Variants in DNAH14 observed in about 807,000 individuals in gnomAD.
The protein encoded by DNAH14 is axonemal beta dynein heavy chain 14.
DNAH14 carries 478 observed loss-of-function variants against 520.9 expected under a neutral mutation model. The ratio of observed to expected loss-of-function variants is 0.92; its 90% confidence interval spans 0.85 to 0.99. DNAH14 has a LOEUF of 0.99. Ranked by LOEUF, DNAH14 falls within the 50% of genes least tolerant of loss-of-function variation. The pLI is 0.00. For missense variants in DNAH14, 4,831 were observed against 5,234.5 expected (o/e 0.92, Z 2.38); for synonymous variants, 1,581 against 1,757.2 (o/e 0.90, Z 2.51).
At chr1:224,988,346 G>A (rs1021954782) in intron 8 of DNAH14, among the ~76,000 whole-genome samples, 60 of 152,114 alleles carry the variant, frequency 3.9e-4, no homozygotes, top group African/African-American at 1.3e-3. Flanking sequence ...ATTGTGAATA[G>A]TGCCGCAGTG....
chr1:225,264,830 T>C (rs765197230), intron 47 of DNAH14, among the ~76,000 whole-genome samples: 4 of 152,186 alleles, frequency 2.6e-5, no homozygotes, highest in Admixed American at 2.6e-4. Flanking sequence ...TTTAAGTTGC[T>C]GTAGCTATAG....
chr1:225,309,566 C>T (rs2094316173), intron 60 of DNAH14, among the ~76,000 whole-genome samples: 1 of 152,136 alleles, frequency 6.6e-6, no homozygotes, highest in Non-Finnish European at 1.5e-5. Flanking sequence ...GCAATGCCAA[C>T]CACCTGAAGG....
In DNAH14 at chr1:225,338,169, A is replaced by G; in HGVS notation, c.10420A>G (p.Asn3474Asp). Residue 3474 changes from asparagine to aspartate, a missense_variant, in exon 68 of 86, where the codon AAT becomes GAT. Coordinates refer to ENST00000682510, the MANE Select transcript of DNAH14 (RefSeq NM_001367479.1). ...IRVGDAEFEY[N>D]SNFRLYLSTE... ...GGTTGGTGATGCTGAGTTCGAATACAATTCAAATTTTAGGTAATGTGCCAC... is the reference window on the plus strand; with the variant it reads ...GGTTGGTGATGCTGAGTTCGAATACGATTCAAATTTTAGGTAATGTGCCAC... 6.4e-7 allele frequency: 1 copy of G among 1,551,874 alleles called. No homozygotes were observed. The highest frequency in any genetic ancestry group is 8.7e-7 in the Non-Finnish European group (1 of 1,146,974).
intron 1 of DNAH14, among the ~76,000 whole-genome samples, chr1:224,947,231 G>A (rs2059904010): frequency 6.6e-6 from 1 of 151,902 alleles, no homozygotes; most frequent in African/African-American, 2.4e-5. Flanking sequence ...TCTACATTTG[G>A]TACTGTTTCT....
In DNAH14 at chr1:225,085,733, G is replaced by C. The variant is rs1433102300; in HGVS notation, c.3517G>C (p.Glu1173Gln). The C allele has an allele frequency of 3.9e-6, 6 of 1,551,472 alleles. No homozygotes were observed. The highest frequency in any genetic ancestry group is 3.3e-4 in the Middle Eastern group (2 of 5,990). ...SIDDISAQLE[E>Q]SQVILATIKG... The stretch of plus-strand genomic sequence containing the variant: ...AGATGACATATCAGCTCAGTTAGAA[G>C]AGTCTCAAGTCATACTTGCAACAAT... The change falls in exon 21 of 86, where the codon GAG becomes CAG. Residue 1173 changes from glutamate (E) to glutamine (Q), a missense_variant. Physicochemically the swap from Glu to Gln is conservative, Grantham distance 29. Coordinates refer to ENST00000682510, the MANE Select transcript of DNAH14 (RefSeq NM_001367479.1).
chr1:225,229,008 T>A (rs973205661), intron 41 of DNAH14, among the ~76,000 whole-genome samples: 13 of 152,208 alleles, frequency 8.5e-5, no homozygotes, highest in Non-Finnish European at 8.8e-5. Context: ...CTTTGATCTT[T>A]CGTGTGCAGG....
intron 42 of DNAH14, among the ~76,000 whole-genome samples, chr1:225,240,059 G>T (rs2091878004): frequency 1.3e-5 from 2 of 152,124 alleles, no homozygotes; most frequent in South Asian, 4.1e-4. Flanking sequence ...CTTTAGCCAG[G>T]TTAAACTAAA....
chr1:225,079,060 A>G, intron 17 of DNAH14, 147 bp from the exon 18 acceptor site: 2 of 736,450 alleles, frequency 2.7e-6, no homozygotes, highest in South Asian at 2.0e-5. Context: ...GTAGTTCTTT[A>G]TAGCAGTGTG....
intron 8 of DNAH14, among the ~76,000 whole-genome samples, chr1:224,999,771 A>G (rs2063629831): frequency 6.6e-6 from 1 of 152,028 alleles, no homozygotes; most frequent in South Asian, 2.1e-4. Flanking sequence ...AAGATTATAT[A>G]TATATTACAG....
At chr1:225,242,423 T>C (rs1400716599) in intron 43 of DNAH14, among the ~76,000 whole-genome samples, 2 of 152,192 alleles carry the variant, frequency 1.3e-5, no homozygotes, top group African/African-American at 4.8e-5. Context: ...TTCTTTACTT[T>C]TTGAACTTTT....
intron 42 of DNAH14, among the ~76,000 whole-genome samples, chr1:225,234,894 T>C (rs1010902506): frequency 1.6e-4 from 25 of 152,312 alleles, no homozygotes; most frequent in Non-Finnish European, 2.4e-4. Flanking sequence ...CACATTGATT[T>C]TGTATTCTCA....
rs1270416374 is a variant in DNAH14, at chr1:225,383,208, T to A, written c.13077+1629T>A. On this transcript the variant is annotated intron_variant, in intron 81 of 85. Coordinates refer to ENST00000682510, the MANE Select transcript of DNAH14 (RefSeq NM_001367479.1). ...GTATGGCATATGAGTTATATCTCAA[T>A]GAAGTTATTTTTAAAACCTAGGTAG... 2.0e-5 allele frequency among the ~76,000 whole-genome samples: 3 copies of A among 152,212 alleles called. No homozygotes were observed. The East Asian group carries it at 5.8e-4, about 29-fold the overall frequency.
intron 8 of DNAH14, among the ~76,000 whole-genome samples, chr1:224,981,855 G>A (rs912531376): frequency 6.6e-6 from 1 of 152,020 alleles, no homozygotes; most frequent in African/African-American, 2.4e-5. Flanking sequence ...CAGGATTGTG[G>A]CAGAAATATT....
intron 19 of DNAH14, among the ~76,000 whole-genome samples, chr1:225,082,171 G>GGGGTGTGTGTGTGT (rs1553434190): frequency 2.1e-5 from 3 of 145,322 alleles, no homozygotes; most frequent in East Asian, 2.0e-4. Context: ...GAATGTTTGT[G>GGGGTGTGTGTGTGT]GTGTGTGTGT....
At chr1:225,224,313 A>G (rs934780043) in intron 41 of DNAH14, among the ~76,000 whole-genome samples, 1 of 151,460 alleles carries the variant, frequency 6.6e-6, no homozygotes, top group African/African-American at 2.4e-5. Context: ...CGCAATATTC[A>G]GTTCAATTGT....
rs1227808261 is a variant in DNAH14, at chr1:225,232,150, T to C, written c.6518+999T>C. Among the ~76,000 whole-genome samples the C allele has an allele frequency of 6.6e-6, 1 of 152,144 alleles. No homozygotes were observed. Among genetic ancestry groups the C allele is most frequent in the African/African-American group, 2.4e-5 (1 of 41,444 alleles). The stretch of plus-strand genomic sequence containing the variant: ...AAATAAATGAAATCATCCTGTATGA[T>C]CTTCTGCCACTTGCATCTTTTGTTC... On this transcript the variant is annotated intron_variant, in intron 42 of 85. Coordinates refer to ENST00000682510, the MANE Select transcript of DNAH14 (RefSeq NM_001367479.1). The surrounding 1 kb of genome is among the most constrained non-coding windows in gnomAD (Gnocchi z 4.2).
chr1:225,085,104 G>A lies in DNAH14; in HGVS notation c.3328-440G>A, dbSNP rs79061527. Among the ~76,000 whole-genome samples the A allele has an allele frequency of 5.0e-3, 765 of 152,192 alleles. 6 individuals are homozygous for A. Among genetic ancestry groups the A allele is most frequent in the African/African-American group, 0.017 (722 of 41,526 alleles). ...GTTGCATTACTAAAACATAGGGATT[G>A]GGCATTATTCTTTAACACCATCGAG... On this transcript the variant is annotated intron_variant, in intron 20 of 85. Transcript: ENST00000682510.
At chr1:225,394,391 T>C (rs2150884998) in intron 84 of DNAH14, among the ~76,000 whole-genome samples, 1 of 152,356 alleles carries the variant, frequency 6.6e-6, no homozygotes, top group East Asian at 1.9e-4. Flanking sequence ...AATTTTTTTG[T>C]TTTAACAAAG....
At chr1:225,163,985 A>G (rs1178019656) in intron 35 of DNAH14, among the ~76,000 whole-genome samples, 1 of 152,076 alleles carries the variant, frequency 6.6e-6, no homozygotes, top group Non-Finnish European at 1.5e-5. Context: ...TTAGTGTTTA[A>G]TGTATGCTAA....
Sources: gnomAD v4.1 joint callset for allele counts (sites outside exome capture counted in the v4.1 genomes callset) on GRCh38, gnomAD v4.1.1 for gene constraint, Gnocchi (gnomAD v3.1) non-coding constraint, MANE v1.5 for transcripts, NCBI Gene and HGNC (gene_info 2026-07-23, HGNC 2026-07-21) for gene names.